Variants in ZHX3 observed in about 807,000 individuals in gnomAD.
The protein encoded by ZHX3 is zinc fingers and homeoboxes 3.
Under a neutral mutation model 64.5 loss-of-function variants are expected in ZHX3, and 20 were observed. The ratio of observed to expected loss-of-function variants is 0.31; its 90% confidence interval spans 0.22 to 0.45. The LOEUF (loss-of-function observed/expected upper bound fraction) is 0.45, where lower values mean the gene tolerates loss of function less well. ZHX3 is among the 20% of genes least tolerant of loss of function. ZHX3 has a pLI of 1.00. For synonymous variants in ZHX3, 423 were observed against 461.6 expected, an observed-to-expected ratio of 0.92 and a Z score of 1.07; for missense variants, 1,041 against 1,195.8, an observed-to-expected ratio of 0.87 and a Z score of 1.91.
chr20:41,196,995 T>C (rs913774694), intron 3 of ZHX3: 9 of 183,092 alleles, frequency 4.9e-5, no homozygotes, highest in Non-Finnish European at 9.4e-5. Context: ...TCACTGTGGA[T>C]GTTAAAAGCC....
chr20:41,317,423 G>A (rs1274500350), intron 1 of ZHX3, 86 bp downstream of exon 1: 1 of 151,798 alleles, frequency 6.6e-6, no homozygotes, highest in Non-Finnish European at 1.5e-5. Context: ...GCAGACACAG[G>A]GTCTGACAGG....
At chr20:41,199,470 TG>T (rs2038037040) in intron 3 of ZHX3, among the ~76,000 whole-genome samples, 1 of 152,120 alleles carries the variant, frequency 6.6e-6, no homozygotes, top group Non-Finnish European at 1.5e-5. Flanking sequence ...CTTTGCAGTA[TG>T]GGGTCAGTGA....
intron 2 of ZHX3, among the ~76,000 whole-genome samples, chr20:41,257,612 CTTTTTTT>C (rs1223401714): frequency 7.3e-6 from 1 of 137,836 alleles, no homozygotes; most frequent in African/African-American, 2.6e-5. Context: ...TCTTTTCTTT[CTTTTTTT>C]TTTTTTTTTT....
intron 1 of ZHX3, among the ~76,000 whole-genome samples, chr20:41,301,141 A>T (rs2044787746): frequency 6.6e-6 from 1 of 152,144 alleles, no homozygotes; most frequent in Admixed American, 6.5e-5. Flanking sequence ...ACAGGGAGTG[A>T]GCTAACAGGA....
At chr20:41,206,071 T>C (rs2038688683) in intron 2 of ZHX3, among the ~76,000 whole-genome samples, 1 of 152,218 alleles carries the variant, frequency 6.6e-6, no homozygotes. Context: ...CCAACAGACC[T>C]GCATCTGAGG....
At chr20:41,191,295 G>C (rs1364887420) in intron 3 of ZHX3, among the ~76,000 whole-genome samples, 1 of 151,892 alleles carries the variant, frequency 6.6e-6, no homozygotes, top group Admixed American at 6.5e-5. Flanking sequence ...TTTTCTGCTT[G>C]ATCTAATATA....
chr20:41,186,217 C>T (rs1417825577), intron 3 of ZHX3, among the ~76,000 whole-genome samples: 1 of 152,144 alleles, frequency 6.6e-6, no homozygotes, highest in Non-Finnish European at 1.5e-5. Flanking sequence ...TATGCCTTTG[C>T]CTATTTTAGA....
Position 41,184,842 on chromosome 20 carries a change from GTTTTA to G in ZHX3, c.*344_*348del. The G allele has an allele frequency of 7.0e-7, 1 of 1,433,832 alleles. No individual in the cohort carries two copies. The highest frequency in any genetic ancestry group is 9.2e-7 in the Non-Finnish European group (1 of 1,085,340). The allele number at this position is 1,433,832 out of a possible 1,614,324, so 88.8% of individuals were successfully genotyped here. On this transcript the variant is annotated 3_prime_UTR_variant, in exon 4 of 4. Transcript: ENST00000683867. ...GTAATGACAGTGTTGATAATCTGAT[GTTTTA>G]TTTAACATATAGAGGTGGATGTATA...
At chr20:41,273,284 A>G (rs1366498560) in intron 1 of ZHX3, among the ~76,000 whole-genome samples, 1 of 152,140 alleles carries the variant, frequency 6.6e-6, no homozygotes, top group Admixed American at 6.5e-5. Context: ...GTTTTTTAAC[A>G]GATTTGCAGA....
Position 41,243,960 on chromosome 20 carries a change from C to G in ZHX3, c.-151+25030G>C, listed in dbSNP as rs145674125. On this transcript the variant is annotated intron_variant, in intron 2 of 3. Coordinates refer to ENST00000683867, the MANE Select transcript of ZHX3 (RefSeq NM_001384317.1). Reference sequence around the variant, plus strand: ...AAGCTCTTAAACACAGAGTTGGAAGCAGGCAAACACTAAGGGATTCGTGGA... The same window carrying G: ...AAGCTCTTAAACACAGAGTTGGAAGGAGGCAAACACTAAGGGATTCGTGGA... Among the ~76,000 whole-genome samples, 619 of 152,200 alleles carry G rather than the reference C, an allele frequency of 4.1e-3. 3 individuals carry two copies. Among genetic ancestry groups the G allele is most frequent in the South Asian group, 0.016 (75 of 4,818 alleles).
In ZHX3 at chr20:41,185,261, AGCCTGG is replaced by A; in HGVS notation, c.2861-66_2861-61del. 6.5e-7 allele frequency: 1 copy of A among 1,549,220 alleles called. No individual in the cohort carries two copies. The highest frequency in any genetic ancestry group is 8.7e-7 in the Non-Finnish European group (1 of 1,143,766). On this transcript the variant is annotated intron_variant, in intron 3 of 3. Transcript: ENST00000683867. The surrounding 1 kb of genome is among the most constrained non-coding windows in gnomAD (Gnocchi z 5.0). ...AGCTGCCACCACCTGCCCCCCAGGC[AGCCTGG>A]TCCTTGCTATACCAGGGTGGCATCA...
intron 2 of ZHX3, among the ~76,000 whole-genome samples, chr20:41,214,678 T>G (rs1378147274): frequency 6.6e-6 from 1 of 152,220 alleles, no homozygotes; most frequent in African/African-American, 2.4e-5. Flanking sequence ...GGTTTATTTG[T>G]TATGTATTTT....
intron 1 of ZHX3, among the ~76,000 whole-genome samples, chr20:41,288,211 G>T (rs2044036110): frequency 6.6e-6 from 1 of 152,086 alleles, no homozygotes; most frequent in Non-Finnish European, 1.5e-5. Flanking sequence ...GCACAGATAG[G>T]GTTTTGCCAT....
In ZHX3 at chr20:41,212,774, G is replaced by A. The variant is rs2039254725; in HGVS notation, c.-150-7708C>T. Among the ~76,000 whole-genome samples the A allele has an allele frequency of 6.6e-6, 1 of 150,404 alleles. No individual in the cohort carries two copies. On this transcript the variant is annotated intron_variant, in intron 2 of 3. Coordinates refer to ENST00000683867, the MANE Select transcript of ZHX3 (RefSeq NM_001384317.1). The surrounding 1 kb of genome is among the most constrained non-coding windows in gnomAD (Gnocchi z 4.3). ...ATCATGCCATTGTACTCCAGCCTGG[G>A]CAACAAGAGCTAAACTGTGTCTCAA...
At chr20:41,305,819 C>T (rs1399804150) in intron 1 of ZHX3, among the ~76,000 whole-genome samples, 1 of 151,676 alleles carries the variant, frequency 6.6e-6, no homozygotes, top group African/African-American at 2.4e-5. Context: ...ATAAATAAAC[C>T]CCAACCAACG....
chr20:41,190,073 A>C (rs933380922), intron 3 of ZHX3, among the ~76,000 whole-genome samples: 2 of 152,064 alleles, frequency 1.3e-5, no homozygotes, highest in African/African-American at 4.8e-5. Flanking sequence ...AGATGACCAC[A>C]CGATTTTTGC....
At chr20:41,247,633 A>C (rs1316992886) in intron 2 of ZHX3, among the ~76,000 whole-genome samples, 1 of 151,940 alleles carries the variant, frequency 6.6e-6, no homozygotes, top group African/African-American at 2.4e-5. Flanking sequence ...CCAGTGACCA[A>C]CTTGCACCCT....
At chr20:41,254,407 T>C (rs983940078) in intron 2 of ZHX3, among the ~76,000 whole-genome samples, 27 of 152,186 alleles carry the variant, frequency 1.8e-4, no homozygotes, top group Admixed American at 1.6e-3. Flanking sequence ...AATAAACATG[T>C]AGCACTTAGC....
At chr20:41,192,209 C>T (rs1600714586) in intron 3 of ZHX3, among the ~76,000 whole-genome samples, 2 of 152,256 alleles carry the variant, frequency 1.3e-5, no homozygotes, top group Middle Eastern at 6.8e-3. Context: ...AGTGGGTAAG[C>T]CCCAACCTCA....
Sources: gnomAD v4.1 joint callset for allele counts (sites outside exome capture counted in the v4.1 genomes callset) on GRCh38, gnomAD v4.1.1 for gene constraint, Gnocchi (gnomAD v3.1) non-coding constraint, MANE v1.5 for transcripts, NCBI Gene and HGNC (gene_info 2026-07-23, HGNC 2026-07-21) for gene names.